EXOC6: variants seen among roughly 807,000 people sequenced by gnomAD.
The protein encoded by EXOC6 is exocyst complex component 6.
Under a neutral mutation model 112.5 loss-of-function variants are expected in EXOC6, and 60 were observed. That is an observed-to-expected ratio of 0.53 (90% CI 0.43 to 0.66). The LOEUF (loss-of-function observed/expected upper bound fraction) is 0.66, where lower values mean the gene tolerates loss of function less well. EXOC6 is among the 30% of genes least tolerant of loss of function. The pLI, the probability that EXOC6 is intolerant of heterozygous loss-of-function variation, is 0.00. For synonymous variants in EXOC6, 295 were observed against 308.0 expected (o/e 0.96, Z 0.44); for missense variants, 855 against 957.1 (o/e 0.89, Z 1.41).
At position 92,920,008 on chromosome 10, in the gene EXOC6, T is replaced by A; in HGVS notation, c.846T>A (p.Asp282Glu). 6.2e-7 allele frequency: 1 copy of A among 1,607,070 alleles called. No individual in the cohort carries two copies. The highest frequency in any genetic ancestry group is 8.5e-7 in the Non-Finnish European group (1 of 1,176,218). Residue 282 changes from aspartate (D) to glutamate (E), a missense_variant, in exon 8 of 22, where the codon GAT becomes GAA. Coordinates refer to ENST00000260762, the MANE Select transcript of EXOC6 (RefSeq NM_019053.6). ...TCTTAACTGTTCAGGATCTTGTTGA[T>A]TTTTCCCCTGTTTATCGATGTTTGC... ...EEILTVQDLV[D>E]FSPVYRCLHI...
chr10:92,834,894 T>C, intron 1 of EXOC6: 1 of 848,420 alleles, frequency 1.2e-6, no homozygotes, highest in South Asian at 1.8e-5. Context: ...CTGCTTTTTA[T>C]AATTCTTTAT....
At chr10:92,880,465 T>C (rs1450174513) in intron 1 of EXOC6, among the ~76,000 whole-genome samples, 1 of 152,116 alleles carries the variant, frequency 6.6e-6, no homozygotes, top group African/African-American at 2.4e-5. Flanking sequence ...TGGTAAAGGG[T>C]GCCCTCTAGT....
intron 19 of EXOC6, among the ~76,000 whole-genome samples, chr10:92,998,173 A>G (rs1843582941): frequency 6.6e-6 from 1 of 152,138 alleles, no homozygotes; most frequent in Non-Finnish European, 1.5e-5. Flanking sequence ...TCAAAACTGG[A>G]TATGCTATTT....
Position 92,978,608 on chromosome 10 carries a change from T to A in EXOC6, c.1953+4376T>A, listed in dbSNP as rs1042818223. Among the ~76,000 whole-genome samples, 9 of 152,348 alleles carry A rather than the reference T, an allele frequency of 5.9e-5. No homozygotes were observed. In the East Asian group the frequency reaches 1.5e-3, roughly 26 times the overall value. ...TATTAAATATTCAACTAGATTGTTT[T>A]AAGCAAAGAGAAGAGGCAGAGGCAT... On this transcript the variant is annotated intron_variant, in intron 18 of 21. Coordinates refer to ENST00000260762, the MANE Select transcript of EXOC6 (RefSeq NM_019053.6).
At chr10:92,896,111 G>GTATA (rs1243350763) in intron 4 of EXOC6, among the ~76,000 whole-genome samples, 1 of 64,912 alleles carries the variant, frequency 1.5e-5, no homozygotes, top group Non-Finnish European at 2.7e-5. Flanking sequence ...ATATATATGT[G>GTATA]TATATATATG....
At chr10:92,897,831 T>C (rs61862264) in intron 4 of EXOC6, among the ~76,000 whole-genome samples, 3,343 of 152,316 alleles carry the variant, frequency 0.022, 57 homozygotes, top group African/African-American at 0.041. Flanking sequence ...TGAGTTGTCC[T>C]GCCTTACCAG....
intron 5 of EXOC6, among the ~76,000 whole-genome samples, chr10:92,903,139 T>A (rs1415152154): frequency 6.6e-6 from 1 of 152,042 alleles, no homozygotes; most frequent in Admixed American, 6.5e-5. Context: ...AAAATATGAT[T>A]TGAAAAATAG....
intron 4 of EXOC6, 118 bp downstream of exon 4, chr10:92,895,138 A>C: frequency 1.5e-6 from 1 of 680,636 alleles, no homozygotes; most frequent in East Asian, 2.5e-5. Flanking sequence ...CCTCACAACA[A>C]AGACCATGCT....
At chr10:92,855,149 C>T (rs1222610347) in intron 1 of EXOC6, among the ~76,000 whole-genome samples, 7 of 152,088 alleles carry the variant, frequency 4.6e-5, no homozygotes, top group Non-Finnish European at 8.8e-5. Flanking sequence ...TACTTCTGGC[C>T]TCAAGCAGTC....
In EXOC6 at chr10:92,850,964, C is replaced by G. The variant is rs1847298749; in HGVS notation, c.101+2330C>G. Among the ~76,000 whole-genome samples, 3 of 151,228 alleles carry G rather than the reference C, an allele frequency of 2.0e-5. No individual in the cohort carries two copies. The South Asian group carries it at 6.3e-4, about 32-fold the overall frequency. On this transcript the variant is annotated intron_variant, in intron 1 of 21. Transcript: ENST00000260762. ...ATTAGAAATCAGTAGTTAAAAAAAA[C>G]AAAAAAACAAAAACTATCTGGAAAA... is the stretch of plus-strand genomic sequence containing the variant.
intron 1 of EXOC6, among the ~76,000 whole-genome samples, chr10:92,850,486 C>T (rs1348429377): frequency 1.3e-5 from 2 of 152,178 alleles, no homozygotes; most frequent in African/African-American, 4.8e-5. Context: ...TTCTCTTGAA[C>T]ATTGTTTAAG....
chr10:92,980,722 TA>T (rs1317671785), intron 18 of EXOC6, among the ~76,000 whole-genome samples: 1 of 152,264 alleles, frequency 6.6e-6, no homozygotes. Context: ...ATTTTATCTC[TA>T]AATTAGTACC....
intron 17 of EXOC6, among the ~76,000 whole-genome samples, chr10:92,971,210 AT>A (rs1173191131): frequency 6.7e-6 from 1 of 150,222 alleles, no homozygotes; most frequent in Non-Finnish European, 1.5e-5. Flanking sequence ...GGCCTGGCTA[AT>A]TTTTTTGTAT....
rs538249770 is a variant in EXOC6 at position 93,014,870 on chromosome 10, C to T, written c.2169+603C>T. 9.2e-5 allele frequency among the ~76,000 whole-genome samples: 14 copies of T among 151,990 alleles called. No homozygotes were observed. The South Asian group carries it at 2.9e-3, about 32-fold the overall frequency. On this transcript the variant is annotated intron_variant, in intron 20 of 21. Coordinates refer to ENST00000260762, the MANE Select transcript of EXOC6 (RefSeq NM_019053.6). ...TTTGCTACTCTGACATATCTATTGT[C>T]GTTTTATTTATTTTCTTCCCTTTTT...
intron 20 of EXOC6, among the ~76,000 whole-genome samples, chr10:93,030,868 A>G (rs1479430590): frequency 1.3e-5 from 2 of 152,224 alleles, no homozygotes; most frequent in Non-Finnish European, 2.9e-5. Flanking sequence ...AAAGAAATAC[A>G]GTTAAAGTGA....
intron 1 of EXOC6, among the ~76,000 whole-genome samples, chr10:92,835,882 C>T (rs1846641940): frequency 6.6e-6 from 1 of 152,108 alleles, no homozygotes; most frequent in Non-Finnish European, 1.5e-5. Context: ...ATCTGAGCAT[C>T]ATAAATATTC....
At chr10:92,843,054 A>C (rs1846913446) in intron 1 of EXOC6, among the ~76,000 whole-genome samples, 1 of 152,220 alleles carries the variant, frequency 6.6e-6, no homozygotes, top group Admixed American at 6.5e-5. Flanking sequence ...GAATGAACAA[A>C]ACCCGGGGCT....
At chr10:92,850,784 A>G (rs1847287095) in intron 1 of EXOC6, among the ~76,000 whole-genome samples, 1 of 152,152 alleles carries the variant, frequency 6.6e-6, no homozygotes, top group African/African-American at 2.4e-5. Flanking sequence ...TTATTTCCTA[A>G]TTATCTTTTA....
intron 8 of EXOC6, among the ~76,000 whole-genome samples, chr10:92,924,708 G>A (rs1436462076): frequency 6.6e-6 from 1 of 152,078 alleles, no homozygotes; most frequent in Non-Finnish European, 1.5e-5. Context: ...TAGCTTTAGG[G>A]GTACAAGTGG....
Sources: allele counts gnomAD v4.1 joint callset (sites outside exome capture counted in the v4.1 genomes callset), GRCh38; gene constraint gnomAD v4.1.1; transcripts MANE v1.5; gene names NCBI Gene and HGNC (gene_info 2026-07-23, HGNC 2026-07-21).